Variants in AFF1 observed in about 807,000 individuals in gnomAD.
AFF1 encodes AF4/FMR2 family member 1.
In AFF1, 48 loss-of-function variants were observed where a neutral mutation model predicts 121.7. The observed-to-expected ratio is 0.39, with a 90% CI of 0.31 to 0.50. AFF1 has a LOEUF of 0.50. Ranked by LOEUF, AFF1 falls within the 20% of genes least tolerant of loss-of-function variation. AFF1 has a pLI of 0.76. For synonymous variants in AFF1, 613 were observed against 563.0 expected, an observed-to-expected ratio of 1.09 and a Z score of -1.26; for missense variants, 1,523 against 1,511.7, an observed-to-expected ratio of 1.01 and a Z score of -0.12.
intron 2 of AFF1, among the ~76,000 whole-genome samples, chr4:86,981,567 C>A (rs1723761914): frequency 6.6e-6 from 1 of 152,046 alleles, no homozygotes; most frequent in Non-Finnish European, 1.5e-5. Flanking sequence ...TGAGATTTCA[C>A]CATGTTGACC....
intron 10 of AFF1, 85 bp from the exon 11 acceptor site, chr4:87,108,074 T>A (rs899323517): frequency 6.7e-7 from 1 of 1,497,280 alleles, no homozygotes; most frequent in Admixed American, 1.9e-5. Context: ...CCCGCCCTTT[T>A]GAGTAGCAGG....
intron 2 of AFF1, chr4:86,950,036 G>T (rs950664388): frequency 3.0e-5 from 49 of 1,614,004 alleles, no homozygotes; most frequent in Non-Finnish European, 4.1e-5. Flanking sequence ...GTAGGTAGGG[G>T]GAGTGTAGAG....
At chr4:87,126,436 C>A (rs116532918) in intron 14 of AFF1, 100 bp downstream of exon 14, 26,976 of 1,133,592 alleles carry the variant, frequency 0.024, 406 homozygotes, top group Middle Eastern at 0.035. Flanking sequence ...TCAGAACTGT[C>A]CATTGCTTTT....
chr4:87,115,625 T>TTTTTTTTTTTTTTTTTTTTTTTTTTTC lies in AFF1; in HGVS notation c.2466+326_2466+327insTTTTTTTTTTTTTTTTTTTTTTTTTTC, dbSNP rs397994396. ...AACCCACCTCTTTTTTTTTTTTTTT[T>TTTTTTTTTTTTTTTTTTTTTTTTTTTC]CCAAAGACAGGCCCTTGCTCTGTTG... On this transcript the variant is annotated intron_variant, in intron 12 of 20. Coordinates refer to ENST00000395146, the MANE Select transcript of AFF1 (RefSeq NM_001166693.3). 2.9e-5 allele frequency among the ~76,000 whole-genome samples: 3 copies of TTTTTTTTTTTTTTTTTTTTTTTTTTTC among 102,970 alleles called. 1 individual carries two copies. The highest frequency in any genetic ancestry group is 5.9e-5 in the Non-Finnish European group (3 of 50,944). The allele number at this position is 102,970 out of a possible 152,430, so 67.6% of individuals were successfully genotyped here.
intron 2 of AFF1, among the ~76,000 whole-genome samples, chr4:86,979,286 C>T (rs888545543): frequency 1.3e-5 from 2 of 151,964 alleles, no homozygotes; most frequent in African/African-American, 4.8e-5. Flanking sequence ...TTAGTAGAGA[C>T]GGGGTTTTGC....
chr4:87,071,527 T>G (rs1258140447), intron 4 of AFF1, among the ~76,000 whole-genome samples: 1 of 152,122 alleles, frequency 6.6e-6, no homozygotes, highest in Non-Finnish European at 1.5e-5. Context: ...TTTTTAATAA[T>G]ACACTTCCTT....
At chr4:86,982,721 C>T (rs1435464709) in intron 2 of AFF1, among the ~76,000 whole-genome samples, 1 of 151,520 alleles carries the variant, frequency 6.6e-6, no homozygotes, top group Non-Finnish European at 1.5e-5. Context: ...GGTGGCAGGT[C>T]TCTGTAATCC....
At chr4:86,962,771 T>A (rs963187208) in intron 2 of AFF1, among the ~76,000 whole-genome samples, 1 of 152,208 alleles carries the variant, frequency 6.6e-6, no homozygotes, top group Non-Finnish European at 1.5e-5. Flanking sequence ...TTGGGTAATT[T>A]GAAATGGTAG....
At chr4:87,120,934 C>T (rs918288382) in intron 12 of AFF1, among the ~76,000 whole-genome samples, 5 of 152,160 alleles carry the variant, frequency 3.3e-5, no homozygotes, top group South Asian at 2.1e-4. Flanking sequence ...CTTTCCCTGA[C>T]GGAAACTGAC....
At chr4:87,053,902 G>T (rs929791082) in intron 4 of AFF1, among the ~76,000 whole-genome samples, 1 of 152,222 alleles carries the variant, frequency 6.6e-6, no homozygotes, top group African/African-American at 2.4e-5. Flanking sequence ...GCTGAGGAAG[G>T]CTTCTCTGAG....
intron 2 of AFF1, among the ~76,000 whole-genome samples, chr4:86,956,801 T>G (rs1220857566): frequency 6.6e-6 from 1 of 152,248 alleles, no homozygotes; most frequent in Non-Finnish European, 1.5e-5. Flanking sequence ...ATGTGCCATC[T>G]TGTACTATTC....
At chr4:86,965,512 AT>A (rs1196591194) in intron 2 of AFF1, among the ~76,000 whole-genome samples, 1 of 152,180 alleles carries the variant, frequency 6.6e-6, no homozygotes, top group Non-Finnish European at 1.5e-5. Flanking sequence ...CCCCCTCTTC[AT>A]TTTGCATTCT....
intron 4 of AFF1, among the ~76,000 whole-genome samples, chr4:87,077,795 A>G (rs1015639900): frequency 7.2e-5 from 11 of 152,166 alleles, no homozygotes; most frequent in Non-Finnish European, 1.6e-4. Context: ...CCCCAAATCA[A>G]TGCAAAAAGA....
intron 12 of AFF1, among the ~76,000 whole-genome samples, chr4:87,117,187 T>C (rs943836335): frequency 2.2e-4 from 34 of 152,212 alleles, no homozygotes; most frequent in African/African-American, 8.2e-4. Context: ...AGGGAAACTT[T>C]CAGCTCTCAC....
intron 2 of AFF1, chr4:87,036,810 C>CT (rs752366829): frequency 5.8e-6 from 3 of 513,984 alleles, no homozygotes; most frequent in Non-Finnish European, 1.2e-5. Context: ...CAAGTATCTG[C>CT]TTTTTTTCTC....
intron 2 of AFF1, among the ~76,000 whole-genome samples, chr4:86,972,100 A>G (rs181890165): frequency 3.2e-4 from 42 of 130,254 alleles, no homozygotes; most frequent in Non-Finnish European, 2.6e-4. Flanking sequence ...ATTGCATGGC[A>G]CTCTAACCTG....
At chr4:87,115,371 G>A (rs1727000862) in intron 12 of AFF1, 72 bp downstream of exon 12, 9 of 1,405,588 alleles carry the variant, frequency 6.4e-6, no homozygotes, top group South Asian at 2.9e-5. Flanking sequence ...ATCTTTGATC[G>A]GCCTTTGATT....
chr4:86,973,461 T>TC (rs1309741504), intron 2 of AFF1, among the ~76,000 whole-genome samples: 1 of 152,146 alleles, frequency 6.6e-6, no homozygotes, highest in Non-Finnish European at 1.5e-5. Flanking sequence ...TTAATTTTTT[T>TC]CCCCCTTAAA....
chr4:87,126,224 G>A lies in AFF1; in HGVS notation c.2699G>A (p.Gly900Asp). 2.5e-6 allele frequency: 4 copies of A among 1,614,100 alleles called. No homozygotes were observed. Among genetic ancestry groups the A allele is most frequent in the Non-Finnish European group, 3.4e-6 (4 of 1,180,012 alleles). The change falls in exon 14 of 21, where the codon GGC becomes GAC. Residue 900 changes from glycine (G) to aspartate (D), a missense_variant. Coordinates refer to ENST00000395146, the MANE Select transcript of AFF1 (RefSeq NM_001166693.3). ...TCAAGGCGGGAAGCAGACACCTGTG[G>A]CCAGGACCCTCCCAAAAGTGCCAGC... Reference protein sequence around the residue: ...KRSRREADTCGQDPPKSASST... With the variant: ...KRSRREADTCDQDPPKSASST...
Sources: gnomAD v4.1 joint callset for allele counts (sites outside exome capture counted in the v4.1 genomes callset) on GRCh38, gnomAD v4.1.1 for gene constraint, MANE v1.5 for transcripts, NCBI Gene and HGNC (gene_info 2026-07-23, HGNC 2026-07-21) for gene names.